NSMAF: variants seen among roughly 807,000 people sequenced by gnomAD.
The protein encoded by NSMAF is protein FAN.
In NSMAF, 90 loss-of-function variants were observed where a neutral mutation model predicts 134.9. The ratio of observed to expected loss-of-function variants is 0.67; its 90% CI spans 0.56 to 0.79. The LOEUF (loss-of-function observed/expected upper bound fraction) is 0.79, where lower values mean the gene tolerates loss of function less well. Among genes scored for constraint, NSMAF ranks in the 30% least tolerant of loss-of-function variants. The pLI, the probability that NSMAF is intolerant of heterozygous loss-of-function variation, is 0.00. For synonymous variants in NSMAF, 358 were observed against 389.6 expected (o/e 0.92, Z 0.96); for missense variants, 1,010 against 1,119.0 (o/e 0.90, Z 1.39).
At chr8:58,608,067 T>A (rs1156764649) in intron 10 of NSMAF, among the ~76,000 whole-genome samples, 1 of 152,256 alleles carries the variant, frequency 6.6e-6, no homozygotes, top group African/African-American at 2.4e-5. Flanking sequence ...TGTGGCACCC[T>A]GCAAATGATA....
intron 5 of NSMAF, among the ~76,000 whole-genome samples, chr8:58,632,928 G>A (rs529684818): frequency 3.9e-5 from 6 of 152,206 alleles, no homozygotes; most frequent in Admixed American, 1.3e-4. Context: ...CGACCAATCC[G>A]TCAGCACATC....
Position 58,609,605 on chromosome 8 carries a change from G to A in NSMAF, c.686C>T (p.Pro229Leu), listed in dbSNP as rs764341478. The A allele has an allele frequency of 9.9e-6, 16 of 1,613,952 alleles. No homozygotes were observed. The highest frequency in any genetic ancestry group is 4.0e-5 in the African/African-American group (3 of 74,936). ...CACCTGACCCTGTGGTCTACACACC[G>A]GGTAGCCGTTGAGGGGCTGAAAATA... ...NLYFQPLNGY[P>L]KPVVQITLQD... Residue 229 changes from proline (P) to leucine (L), a missense_variant and splice_region_variant, in exon 10 of 31, where the codon CCG (proline) becomes CTG (leucine). Coordinates refer to ENST00000038176, the MANE Select transcript of NSMAF (RefSeq NM_003580.4).
intron 30 of NSMAF, among the ~76,000 whole-genome samples, chr8:58,585,317 G>GTTATTTTTTTTTTTTTTTTTTTTTTT (rs1554572269): frequency 9.7e-5 from 14 of 144,312 alleles, no homozygotes; most frequent in African/African-American, 3.6e-4. Context: ...TTGTTTCTGG[G>GTTATTTTTTTTTTTTTTTTTTTTTTT]TTTTTTTTTT....
chr8:58,605,438 C>G (rs1357354763), intron 12 of NSMAF, among the ~76,000 whole-genome samples: 1 of 152,098 alleles, frequency 6.6e-6, no homozygotes, highest in Non-Finnish European at 1.5e-5. Context: ...GTGGATTCTT[C>G]AAAATCCATT....
At chr8:58,594,456 G>C (rs1463224745) in intron 22 of NSMAF, 166 bp from the exon 23 acceptor site, 1 of 630,604 alleles carries the variant, frequency 1.6e-6, no homozygotes, top group African/African-American at 1.8e-5. Context: ...ATCACTGCTT[G>C]GCACCTTCTA....
chr8:58,637,037 CA>C (rs1563541169), intron 2 of NSMAF, among the ~76,000 whole-genome samples: 12 of 150,568 alleles, frequency 8.0e-5, no homozygotes, highest in Admixed American at 1.3e-4. Flanking sequence ...CACACACACA[CA>C]CACCCACACA....
chr8:58,645,292 A>C (rs1408400914), intron 1 of NSMAF, among the ~76,000 whole-genome samples: 1 of 152,118 alleles, frequency 6.6e-6, no homozygotes, highest in African/African-American at 2.4e-5. Context: ...AAGAGGCTGC[A>C]CACTAGGTAT....
chr8:58,603,834 A>G (rs1009202962), intron 12 of NSMAF, among the ~76,000 whole-genome samples: 4 of 152,370 alleles, frequency 2.6e-5, no homozygotes, highest in South Asian at 2.1e-4. Flanking sequence ...GAAGAGATGT[A>G]CTACTGCTAA....
chr8:58,615,768 C>T (rs890474755), intron 9 of NSMAF, among the ~76,000 whole-genome samples: 3 of 151,924 alleles, frequency 2.0e-5, no homozygotes, highest in Admixed American at 6.6e-5. Flanking sequence ...TAGAAAGTTA[C>T]AAGAATAAGT....
intron 1 of NSMAF, among the ~76,000 whole-genome samples, chr8:58,658,099 C>T (rs1252796065): frequency 6.6e-6 from 1 of 152,154 alleles, no homozygotes; most frequent in Non-Finnish European, 1.5e-5. Flanking sequence ...TATCATACAA[C>T]ATGATGCCAA....
At chr8:58,647,281 T>A (rs1032564765) in intron 1 of NSMAF, among the ~76,000 whole-genome samples, 6 of 152,214 alleles carry the variant, frequency 3.9e-5, no homozygotes, top group Admixed American at 1.3e-4. Context: ...TAGACTACAG[T>A]GCCCCTACTA....
chr8:58,617,707 T>C (rs1806693756), intron 9 of NSMAF, among the ~76,000 whole-genome samples: 1 of 152,224 alleles, frequency 6.6e-6, no homozygotes, highest in Non-Finnish European at 1.5e-5. Context: ...TTTTACACTG[T>C]TGGTGGGAGT....
At chr8:58,623,597 G>T in intron 7 of NSMAF, 112 bp downstream of exon 7, 1 of 1,092,076 alleles carries the variant, frequency 9.2e-7, no homozygotes. Flanking sequence ...AAGTCAATCT[G>T]CTACATATTT....
rs191209843 is a variant in NSMAF at position 58,614,720 on chromosome 8, G to A, written c.558-4987C>T. Among the ~76,000 whole-genome samples the A allele has an allele frequency of 7.2e-5, 11 of 152,238 alleles. No individual in the cohort carries two copies. The East Asian group carries it at 2.1e-3, about 29-fold the overall frequency. ...TTTGGACGCTGAGTCAGCTGGGCCT[G>A]GTGCATTCAATAAAAGATTCTCCTG... On this transcript the variant is annotated intron_variant, in intron 9 of 30. Coordinates refer to ENST00000038176, the MANE Select transcript of NSMAF (RefSeq NM_003580.4).
In NSMAF at chr8:58,600,016, G is replaced by C; in HGVS notation, c.1286C>G (p.Ala429Gly). The C allele has an allele frequency of 6.2e-7, 1 of 1,612,904 alleles. No homozygotes were observed. Among genetic ancestry groups the C allele is most frequent in the Non-Finnish European group, 8.5e-7 (1 of 1,179,284 alleles). The change falls in exon 17 of 31, where the codon GCA becomes GGA. Residue 429 changes from alanine to glycine, a missense_variant. Ala to Gly is a moderately conservative substitution (Grantham distance 60). Coordinates refer to ENST00000038176, the MANE Select transcript of NSMAF (RefSeq NM_003580.4). ...DNADRMFNSI[A>G]ETWKNCLDGA... The stretch of plus-strand genomic sequence containing the variant: ...ATCCAGACAGTTTTTCCAAGTTTCT[G>C]CAATACTACATATGAAAAAAAAATT...
intron 24 of NSMAF, among the ~76,000 whole-genome samples, 190 bp downstream of exon 24, chr8:58,590,677 G>T (rs1035634832): frequency 7.9e-5 from 12 of 152,086 alleles, no homozygotes; most frequent in African/African-American, 2.9e-4. Context: ...AATCACAACA[G>T]TAAGAGAAAG....
intron 5 of NSMAF, among the ~76,000 whole-genome samples, chr8:58,634,607 G>T (rs1204502493): frequency 6.6e-6 from 1 of 152,170 alleles, no homozygotes; most frequent in Non-Finnish European, 1.5e-5. Context: ...AGAGCCAAAA[G>T]AAAGTAGTCC....
intron 5 of NSMAF, among the ~76,000 whole-genome samples, chr8:58,633,342 C>A (rs1164600708): frequency 6.6e-6 from 1 of 152,186 alleles, no homozygotes; most frequent in Non-Finnish European, 1.5e-5. Context: ...CCTGGAATAC[C>A]AGTGTTTGTG....
chr8:58,599,994 C>T lies in NSMAF; in HGVS notation c.1308G>A (p.Leu436=). The T allele has an allele frequency of 6.2e-7, 1 of 1,613,994 alleles. No homozygotes were observed. Among genetic ancestry groups the T allele is most frequent in the East Asian group, 2.2e-5 (1 of 44,882 alleles). The part of the protein sequence containing the change: ...NSIAETWKNC[L]DGATDFKELI... ...CCTCTTTAAAATCCGTTGCACCATC[C>T]AGACAGTTTTTCCAAGTTTCTGCAA... is the stretch of plus-strand genomic sequence containing the variant. Residue 436 remains leucine, a synonymous_variant, in exon 17 of 31, where the codon CTG becomes CTA. Transcript: ENST00000038176.
Sources: gnomAD v4.1 joint callset for allele counts (sites outside exome capture counted in the v4.1 genomes callset) on GRCh38, gnomAD v4.1.1 for gene constraint, MANE v1.5 for transcripts, NCBI Gene and HGNC (gene_info 2026-07-23, HGNC 2026-07-21) for gene names.